The following PDE7B variants were observed in gnomAD, a reference collection of about 807,000 sequenced individuals.
PDE7B encodes phosphodiesterase 7B, also known as 3',5'-cyclic-AMP phosphodiesterase 7B.
A neutral mutation model predicts 56.2 loss-of-function variants in PDE7B; 29 were observed. That is an observed-to-expected ratio of 0.52 (90% confidence interval 0.38 to 0.70). PDE7B has a LOEUF of 0.70. Ranked by LOEUF, PDE7B falls within the 30% of genes least tolerant of loss-of-function variation. The probability of loss-of-function intolerance (pLI) is 0.00; values close to 1 mark genes in which losing one functional copy is unlikely to be tolerated. For synonymous variants in PDE7B, 197 were observed against 196.9 expected (o/e 1.00, Z 0.00); for missense variants, 490 against 565.0 (o/e 0.87, Z 1.35).
At chr6:135,925,918 G>A (rs1038256584) in intron 1 of PDE7B, among the ~76,000 whole-genome samples, 13 of 151,996 alleles carry the variant, frequency 8.6e-5, no homozygotes, top group Non-Finnish European at 1.3e-4. Flanking sequence ...AGAAGCAGTG[G>A]ATTTCCCTCA....
chr6:135,888,044 C>G (rs1466097512), intron 1 of PDE7B, among the ~76,000 whole-genome samples: 1 of 152,096 alleles, frequency 6.6e-6, no homozygotes, highest in Non-Finnish European at 1.5e-5. Flanking sequence ...TCTCTTAATT[C>G]TCTCCAACTA....
chr6:135,892,913 T>A (rs1775833722), intron 1 of PDE7B, among the ~76,000 whole-genome samples: 1 of 152,184 alleles, frequency 6.6e-6, no homozygotes, highest in Non-Finnish European at 1.5e-5. Context: ...ACTGTTGAAC[T>A]TATGCTCCAG....
At chr6:136,173,205 A>G (rs1375222085) in intron 8 of PDE7B, among the ~76,000 whole-genome samples, 1 of 152,206 alleles carries the variant, frequency 6.6e-6, no homozygotes, top group Non-Finnish European at 1.5e-5. Flanking sequence ...GTCAATCCTA[A>G]GCCAAAAGAA....
intron 2 of PDE7B, among the ~76,000 whole-genome samples, chr6:135,975,720 T>A (rs1775174176): frequency 6.6e-6 from 1 of 152,226 alleles, no homozygotes. Context: ...TTGGGTAGAT[T>A]CTCAATGAGA....
At chr6:136,005,095 C>A (rs1438016124) in intron 2 of PDE7B, among the ~76,000 whole-genome samples, 30 of 152,234 alleles carry the variant, frequency 2.0e-4, no homozygotes, top group South Asian at 1.5e-3. Flanking sequence ...GAAAAACAAG[C>A]AATGGGTAAA....
At chr6:136,170,602 TTA>T (rs1278635840) in intron 8 of PDE7B, among the ~76,000 whole-genome samples, 5 of 152,162 alleles carry the variant, frequency 3.3e-5, no homozygotes, top group African/African-American at 1.2e-4. Context: ...TTTCTGTTGC[TTA>T]TAACAGAATA....
chr6:135,880,100 G>A (rs759172366), intron 1 of PDE7B, among the ~76,000 whole-genome samples: 2 of 152,088 alleles, frequency 1.3e-5, no homozygotes, highest in African/African-American at 4.8e-5. Context: ...CATACGCATC[G>A]TAAAACATCA....
At chr6:135,866,939 G>A (rs1775272256) in intron 1 of PDE7B, among the ~76,000 whole-genome samples, 1 of 152,160 alleles carries the variant, frequency 6.6e-6, no homozygotes, top group Admixed American at 6.6e-5. Context: ...GGTCTTTGGT[G>A]TTCTGTATTT....
chr6:136,165,716 T>C (rs910554538), intron 8 of PDE7B: 1 of 152,182 alleles, frequency 6.6e-6, no homozygotes, highest in African/African-American at 2.4e-5. Flanking sequence ...AAGAAACCTC[T>C]CTCAGATGAC....
At chr6:135,996,373 T>C (rs953783755) in intron 2 of PDE7B, among the ~76,000 whole-genome samples, 8 of 152,186 alleles carry the variant, frequency 5.3e-5, no homozygotes, top group African/African-American at 1.7e-4. Context: ...CAGTCAGAAA[T>C]TCACTGATTC....
At chr6:136,170,077 C>A (rs553297832) in intron 8 of PDE7B, among the ~76,000 whole-genome samples, 6 of 152,128 alleles carry the variant, frequency 3.9e-5, no homozygotes, top group African/African-American at 1.4e-4. Context: ...ATAGTTGCAG[C>A]TTTCCTGACT....
chr6:135,914,234 A>C (rs1183822505), intron 1 of PDE7B, among the ~76,000 whole-genome samples: 1 of 152,114 alleles, frequency 6.6e-6, no homozygotes, highest in African/African-American at 2.4e-5. Flanking sequence ...ATTTATATAC[A>C]TTAACATTTG....
intron 2 of PDE7B, among the ~76,000 whole-genome samples, chr6:136,101,944 A>G (rs1358287706): frequency 6.6e-6 from 1 of 152,232 alleles, no homozygotes; most frequent in African/African-American, 2.4e-5. Flanking sequence ...TGTCCAGCAG[A>G]GAGAGAAGAA....
rs538828821 is a variant in PDE7B at position 135,892,325 on chromosome 6, T to A, written c.21+40306T>A. Among the ~76,000 whole-genome samples the A allele has an allele frequency of 7.9e-5, 12 of 152,270 alleles. No homozygotes were observed. In the South Asian group the frequency reaches 1.9e-3, roughly 24 times the overall value. Reference sequence around the variant, plus strand: ...AATCCAGACTAACAAAACAAGCAGATACAGTTGATCCTGTGACTTCAAGTA... The same window carrying A: ...AATCCAGACTAACAAAACAAGCAGAAACAGTTGATCCTGTGACTTCAAGTA... On this transcript the variant is annotated intron_variant, in intron 1 of 12. Transcript: ENST00000308191.
At chr6:136,016,147 C>T (rs759037986) in intron 2 of PDE7B, among the ~76,000 whole-genome samples, 50 of 152,130 alleles carry the variant, frequency 3.3e-4, no homozygotes, top group Admixed American at 1.1e-3. Context: ...CCCTCTAATA[C>T]GTAGGAAAGT....
rs376119495 is a variant in PDE7B, at chr6:135,904,982, CA to C, written c.22-42481del. ...TGGGCATGGAATCTGTGCAGTTGCA[CA>C]GGGTCCCATACTCAGAAAGGCTCAT... On this transcript the variant is annotated intron_variant, in intron 1 of 12. Coordinates refer to ENST00000308191, the MANE Select transcript of PDE7B (RefSeq NM_018945.4). 3.7e-4 allele frequency among the ~76,000 whole-genome samples: 57 copies of C among 152,338 alleles called. No homozygotes were observed. The East Asian group carries it at 7.7e-3, about 21-fold the overall frequency.
At position 136,191,756 on chromosome 6, in the gene PDE7B, C is replaced by T. The variant is rs1306295306; in HGVS notation, c.1269C>T (p.Ser423=). 1.3e-6 allele frequency: 2 copies of T among 1,598,850 alleles called. No individual in the cohort carries two copies. Among genetic ancestry groups the T allele is most frequent in the Non-Finnish European group, 1.7e-6 (2 of 1,172,954 alleles). ...WKSLLPRQHR[S]RGSSGSGPDH... is the part of the protein sequence containing the mutation. ...GCCTGTTGCCCAGGCAGCACAGAAG[C>T]AGGGGCAGCAGTGGCAGCGGGCCTG... The change falls in exon 13 of 13, where the codon AGC becomes AGT. Residue 423 remains serine, a synonymous_variant. Transcript: ENST00000308191.
At chr6:136,060,638 A>G (rs921878114) in intron 2 of PDE7B, among the ~76,000 whole-genome samples, 2 of 152,220 alleles carry the variant, frequency 1.3e-5, no homozygotes, top group Admixed American at 1.3e-4. Context: ...ACACAGAATT[A>G]GTACTCCACT....
intron 9 of PDE7B, 99 bp downstream of exon 9, chr6:136,173,987 G>GC (rs1469820702): frequency 4.7e-5 from 38 of 807,198 alleles, no homozygotes; most frequent in Non-Finnish European, 7.2e-5. Flanking sequence ...ATGGCAGAGA[G>GC]CCCCCCGGCT....
Sources: allele counts gnomAD v4.1 joint callset (sites outside exome capture counted in the v4.1 genomes callset), GRCh38; gene constraint gnomAD v4.1.1; transcripts MANE v1.5; gene names NCBI Gene and HGNC (gene_info 2026-07-23, HGNC 2026-07-21).